The following STAG1 variants were observed in gnomAD, a reference collection of about 807,000 sequenced individuals.
The protein encoded by STAG1 is cohesin subunit SA-1.
A neutral mutation model predicts 170.9 loss-of-function variants in STAG1; 26 were observed. The observed-to-expected ratio is 0.15, with a 90% CI of 0.11 to 0.21. The LOEUF (loss-of-function observed/expected upper bound fraction) is 0.21, where lower values mean the gene tolerates loss of function less well. Among genes scored for constraint, STAG1 ranks in the 10% least tolerant of loss-of-function variants. The probability of loss-of-function intolerance (pLI) is 1.00; values close to 1 mark genes in which losing one functional copy is unlikely to be tolerated. For synonymous variants in STAG1, 514 were observed against 497.7 expected, an observed-to-expected ratio of 1.03 and a Z score of -0.44; for missense variants, 964 against 1,509.5, an observed-to-expected ratio of 0.64 and a Z score of 5.99.
intron 4 of STAG1, among the ~76,000 whole-genome samples, chr3:136,584,538 T>C (rs1044027861): frequency 4.6e-5 from 7 of 152,164 alleles, no homozygotes; most frequent in Non-Finnish European, 1.0e-4. Flanking sequence ...CCATCCCTCC[T>C]TCCATGCCCA....
At chr3:136,339,351 C>G (rs573195986) in intron 32 of STAG1, among the ~76,000 whole-genome samples, 1 of 152,222 alleles carries the variant, frequency 6.6e-6, no homozygotes, top group Non-Finnish European at 1.5e-5. Flanking sequence ...GGTGAAACCC[C>G]GTCTCTACTA....
chr3:136,543,516 T>C (rs969912408), intron 5 of STAG1, among the ~76,000 whole-genome samples: 1 of 152,182 alleles, frequency 6.6e-6, no homozygotes, highest in African/African-American at 2.4e-5. Context: ...CAGACTGTAA[T>C]TGTAGTTGCA....
chr3:136,368,017 C>T (rs1207476887), intron 24 of STAG1, among the ~76,000 whole-genome samples: 1 of 152,076 alleles, frequency 6.6e-6, no homozygotes, highest in Non-Finnish European at 1.5e-5. Context: ...TGTATAGATT[C>T]GCAAAAAGAA....
chr3:136,634,408 T>C (rs1576694498), intron 1 of STAG1, among the ~76,000 whole-genome samples: 1 of 146,606 alleles, frequency 6.8e-6, no homozygotes, highest in Non-Finnish European at 1.5e-5. Flanking sequence ...AATGGGGGGG[T>C]CCCCAATTCA....
intron 1 of STAG1, among the ~76,000 whole-genome samples, chr3:136,709,393 A>C (rs932671355): frequency 5.9e-5 from 9 of 152,136 alleles, no homozygotes; most frequent in African/African-American, 2.2e-4. Flanking sequence ...GCAGGTTACC[A>C]TATCATTTAC....
chr3:136,393,913 T>C (rs2087077696), intron 22 of STAG1, among the ~76,000 whole-genome samples: 1 of 151,910 alleles, frequency 6.6e-6, no homozygotes, highest in Non-Finnish European at 1.5e-5. Flanking sequence ...TGGATTTTTC[T>C]TTTTTTTGAG....
At chr3:136,440,101 A>G (rs907746777) in intron 15 of STAG1, among the ~76,000 whole-genome samples, 2 of 152,196 alleles carry the variant, frequency 1.3e-5, no homozygotes, top group African/African-American at 4.8e-5. Context: ...TAACAATATC[A>G]AAGCAGACCA....
At chr3:136,617,043 G>A (rs1382912623) in intron 3 of STAG1, among the ~76,000 whole-genome samples, 1 of 152,030 alleles carries the variant, frequency 6.6e-6, no homozygotes, top group Non-Finnish European at 1.5e-5. Context: ...TTCACTTCTA[G>A]AAATTTAGGA....
At chr3:136,438,235 C>CTT (rs2088513813) in intron 15 of STAG1, among the ~76,000 whole-genome samples, 1 of 106,308 alleles carries the variant, frequency 9.4e-6, no homozygotes, top group South Asian at 4.3e-4. Context: ...CGTTTAGTTT[C>CTT]TTTTCTTTTT....
At chr3:136,705,559 T>C (rs187370976) in intron 1 of STAG1, among the ~76,000 whole-genome samples, 38 of 152,266 alleles carry the variant, frequency 2.5e-4, no homozygotes, top group Non-Finnish European at 3.5e-4. Flanking sequence ...TGGGAGGTAA[T>C]TGAATCATGG....
At chr3:136,473,664 CAGA>C (rs745457449) in intron 10 of STAG1, 27 bp from the exon 11 acceptor site, 7 of 1,543,996 alleles carry the variant, frequency 4.5e-6, no homozygotes, top group South Asian at 2.3e-5. Context: ...AAAAGCACAA[CAGA>C]AGGAGTCAAT....
chr3:136,451,206 C>T (rs1210678422), intron 14 of STAG1, among the ~76,000 whole-genome samples: 1 of 148,892 alleles, frequency 6.7e-6, no homozygotes, highest in South Asian at 2.1e-4. Context: ...GGTGGAAAAA[C>T]CGAAGTTTAC....
Position 136,524,640 on chromosome 3 carries a change from G to A in STAG1, c.472-3223C>T, listed in dbSNP as rs1576563902. Among the ~76,000 whole-genome samples, 4 of 152,282 alleles carry A rather than the reference G, an allele frequency of 2.6e-5. No homozygotes were observed. In the South Asian group the frequency reaches 6.2e-4, roughly 24 times the overall value. ...AGAACTTCCAACACTATGTTGAATA[G>A]GAGTGGTGAGAGAGGGCATCCCTGT... is the stretch of plus-strand genomic sequence containing the variant. On this transcript the variant is annotated intron_variant, in intron 6 of 33. Transcript: ENST00000383202.
chr3:136,510,796 G>C (rs796645077), intron 7 of STAG1, among the ~76,000 whole-genome samples: 72 of 151,600 alleles, frequency 4.7e-4, no homozygotes, highest in African/African-American at 1.6e-3. Context: ...TTTTCTTTTT[G>C]AGATGGAGTC....
At chr3:136,387,274 T>C (rs1460796322) in intron 22 of STAG1, among the ~76,000 whole-genome samples, 1 of 152,206 alleles carries the variant, frequency 6.6e-6, no homozygotes, top group Non-Finnish European at 1.5e-5. Flanking sequence ...ATGAGCATGG[T>C]TGTGTTCCAA....
intron 22 of STAG1, among the ~76,000 whole-genome samples, chr3:136,378,848 T>C (rs190359978): frequency 3.6e-4 from 55 of 152,274 alleles, no homozygotes; most frequent in Admixed American, 3.3e-4. Flanking sequence ...GTAAGACACA[T>C]GCAGATACCA....
intron 30 of STAG1, among the ~76,000 whole-genome samples, chr3:136,342,938 G>T (rs1936042994): frequency 6.6e-6 from 1 of 152,178 alleles, no homozygotes; most frequent in South Asian, 2.1e-4. Context: ...CACCTTCTAG[G>T]ATACTTGGCA....
chr3:136,579,112 G>A (rs1197860703), intron 4 of STAG1, among the ~76,000 whole-genome samples: 1 of 152,192 alleles, frequency 6.6e-6, no homozygotes, highest in Non-Finnish European at 1.5e-5. Flanking sequence ...CTTGAAGAAT[G>A]ACTATGGACT....
At chr3:136,556,709 A>AGTG (rs1936635320) in intron 5 of STAG1, among the ~76,000 whole-genome samples, 1 of 151,844 alleles carries the variant, frequency 6.6e-6, no homozygotes, top group Non-Finnish European at 1.5e-5. Flanking sequence ...CAGCCTCCCA[A>AGTG]GTAACTGAGA....
Sources: gnomAD v4.1 joint callset for allele counts (sites outside exome capture counted in the v4.1 genomes callset) on GRCh38, gnomAD v4.1.1 for gene constraint, MANE v1.5 for transcripts, NCBI Gene and HGNC (gene_info 2026-07-23, HGNC 2026-07-21) for gene names.